TACC2: variants seen among roughly 807,000 people sequenced by gnomAD.
TACC2 encodes the protein transforming acidic coiled-coil-containing protein 2.
Under a neutral mutation model 227.3 loss-of-function variants are expected in TACC2, and 137 were observed. The ratio of observed to expected loss-of-function variants is 0.60; its 90% CI spans 0.52 to 0.69. The LOEUF (loss-of-function observed/expected upper bound fraction) is 0.69, where lower values mean the gene tolerates loss of function less well. Ranked by LOEUF, TACC2 falls within the 30% of genes least tolerant of loss-of-function variation. TACC2 has a pLI of 0.00. For synonymous variants in TACC2, 1,523 were observed against 1,487.5 expected, an observed-to-expected ratio of 1.02 and a Z score of -0.55; for missense variants, 3,470 against 3,694.4, an observed-to-expected ratio of 0.94 and a Z score of 1.57.
chr10:122,186,659 C>T (rs2094204493), intron 7 of TACC2, among the ~76,000 whole-genome samples: 1 of 152,090 alleles, frequency 6.6e-6, no homozygotes, highest in Non-Finnish European at 1.5e-5. Context: ...ATTACAGGTG[C>T]CCGCCACCAT....
At chr10:122,003,503 A>G (rs1199468373) in intron 1 of TACC2, among the ~76,000 whole-genome samples, 1 of 152,138 alleles carries the variant, frequency 6.6e-6, no homozygotes, top group Non-Finnish European at 1.5e-5. Flanking sequence ...ACTGCCTTTG[A>G]AAAGGTTGTA....
intron 2 of TACC2, among the ~76,000 whole-genome samples, chr10:122,033,591 C>T (rs1201440045): frequency 2.0e-5 from 3 of 152,172 alleles, no homozygotes; most frequent in African/African-American, 7.2e-5. Context: ...AATTCTGAAT[C>T]AGCTGTCAGT....
intron 13 of TACC2, among the ~76,000 whole-genome samples, chr10:122,227,091 G>C (rs146246269): frequency 6.6e-6 from 1 of 152,186 alleles, no homozygotes; most frequent in Non-Finnish European, 1.5e-5. Context: ...CTTCCAGAGC[G>C]TCCCCGAGCT....
intron 7 of TACC2, 149 bp downstream of exon 7, chr10:122,143,855 G>A (rs2091018672): frequency 1.1e-6 from 1 of 883,794 alleles, no homozygotes; most frequent in African/African-American, 1.7e-5. Flanking sequence ...CTGACCCTTT[G>A]GGCCATAGCC....
At chr10:122,176,218 T>C (rs527462442) in intron 7 of TACC2, among the ~76,000 whole-genome samples, 199 of 150,540 alleles carry the variant, frequency 1.3e-3, no homozygotes, top group African/African-American at 4.6e-3. Context: ...CAGATGAAGA[T>C]TGGGTACCAC....
chr10:122,072,255 C>G (rs11200379), intron 3 of TACC2, among the ~76,000 whole-genome samples: 21,567 of 151,826 alleles, frequency 0.14, 1,889 homozygotes, highest in African/African-American at 0.22. Context: ...GTGCCCAGCT[C>G]CCCAGTAACT....
chr10:122,055,211 C>T lies in TACC2; in HGVS notation c.146+4661C>T, dbSNP rs533909601. Among the ~76,000 whole-genome samples the T allele has an allele frequency of 9.3e-5, 14 of 150,656 alleles. No homozygotes were observed. The East Asian group carries it at 1.6e-3, about 17-fold the overall frequency. On this transcript the variant is annotated intron_variant, in intron 3 of 22. Coordinates refer to ENST00000369005, the MANE Select transcript of TACC2 (RefSeq NM_206862.4). Reference sequence around the variant, plus strand: ...CTCCAGCCTGGGTGACAGAGCAAGACGCCGTCTCCCAAAAAAAAATAAAAA... The same window carrying T: ...CTCCAGCCTGGGTGACAGAGCAAGATGCCGTCTCCCAAAAAAAAATAAAAA...
intron 3 of TACC2, among the ~76,000 whole-genome samples, chr10:122,054,463 T>A (rs897604077): frequency 6.6e-6 from 1 of 152,218 alleles, no homozygotes; most frequent in Non-Finnish European, 1.5e-5. Context: ...TTCTTGGATA[T>A]CATCAACCAG....
chr10:122,008,339 A>C (rs1955503573), intron 1 of TACC2, among the ~76,000 whole-genome samples: 1 of 150,350 alleles, frequency 6.7e-6, no homozygotes, highest in Non-Finnish European at 1.5e-5. Context: ...GGCTCACTGC[A>C]ACCTCTCGCC....
intron 2 of TACC2, among the ~76,000 whole-genome samples, chr10:122,041,141 G>A (rs554704163): frequency 6.6e-6 from 1 of 152,324 alleles, no homozygotes; most frequent in South Asian, 2.1e-4. Context: ...ATGTTGCTCA[G>A]GCGCTGTGTG....
At chr10:122,025,460 A>G (rs1438192982) in intron 2 of TACC2, among the ~76,000 whole-genome samples, 1 of 151,952 alleles carries the variant, frequency 6.6e-6, no homozygotes, top group East Asian at 1.9e-4. Context: ...ACGAGGTTTC[A>G]CTATGTTGGG....
chr10:122,095,297 C>G (rs1172207482), intron 5 of TACC2, among the ~76,000 whole-genome samples: 1 of 152,220 alleles, frequency 6.6e-6, no homozygotes, highest in East Asian at 1.9e-4. Flanking sequence ...CAAGAGTTGA[C>G]AGGGCTCAGG....
chr10:122,224,360 C>T (rs1177843948), intron 11 of TACC2, among the ~76,000 whole-genome samples: 1 of 152,176 alleles, frequency 6.6e-6, no homozygotes, highest in Non-Finnish European at 1.5e-5. Context: ...TCTCACCTGA[C>T]AGTTACAGAG....
chr10:122,208,033 G>A (rs1050929549), intron 8 of TACC2, among the ~76,000 whole-genome samples: 1 of 152,298 alleles, frequency 6.6e-6, no homozygotes, highest in East Asian at 1.9e-4. Flanking sequence ...GGAGGATGGG[G>A]TACTTGAGAG....
chr10:122,130,984 T>G (rs1734905505), intron 5 of TACC2, among the ~76,000 whole-genome samples: 2 of 152,066 alleles, frequency 1.3e-5, no homozygotes, highest in African/African-American at 4.8e-5. Context: ...TTCTTAGCAG[T>G]TACTACAGTT....
intron 7 of TACC2, among the ~76,000 whole-genome samples, chr10:122,152,088 A>G (rs2092100233): frequency 1.3e-5 from 2 of 152,174 alleles, no homozygotes; most frequent in Non-Finnish European, 2.9e-5. Flanking sequence ...TCCACCAAAC[A>G]TGGAGACCTT....
chr10:122,215,703 C>G (rs1467614083), intron 10 of TACC2, among the ~76,000 whole-genome samples: 2 of 152,180 alleles, frequency 1.3e-5, no homozygotes, highest in Non-Finnish European at 2.9e-5. Flanking sequence ...AGGACCCACT[C>G]TGCTCCATTC....
At chr10:122,136,216 G>T (rs1592452702) in intron 6 of TACC2, among the ~76,000 whole-genome samples, 1 of 152,166 alleles carries the variant, frequency 6.6e-6, no homozygotes, top group Non-Finnish European at 1.5e-5. Flanking sequence ...TGGCGACTTG[G>T]TAGAACATTC....
intron 3 of TACC2, among the ~76,000 whole-genome samples, chr10:122,067,859 G>C (rs2077560563): frequency 6.6e-6 from 1 of 151,994 alleles, no homozygotes; most frequent in East Asian, 1.9e-4. Context: ...TGGATATGTT[G>C]GTTAATAGTT....
Sources: gnomAD v4.1 joint callset for allele counts (sites outside exome capture counted in the v4.1 genomes callset) on GRCh38, gnomAD v4.1.1 for gene constraint, MANE v1.5 for transcripts, NCBI Gene and HGNC (gene_info 2026-07-23, HGNC 2026-07-21) for gene names.